SLX4: variants seen among roughly 807,000 people sequenced by gnomAD.
SLX4 encodes structure-specific endonuclease subunit SLX4.
SLX4 carries 112 observed loss-of-function variants against 146.2 expected under a neutral mutation model. That is an observed-to-expected ratio of 0.77 (90% confidence interval 0.66 to 0.90). SLX4 has a LOEUF of 0.90. Ranked by LOEUF, SLX4 falls within the 40% of genes least tolerant of loss-of-function variation. SLX4 has a pLI of 0.00. For missense variants in SLX4, 2,563 were observed against 2,392.7 expected (o/e 1.07, Z -1.49); for synonymous variants, 1,061 against 997.7 (o/e 1.06, Z -1.20).
intron 11 of SLX4, 151 bp downstream of exon 11, chr16:3,592,548 A>T: frequency 1.0e-6 from 1 of 972,156 alleles, no homozygotes; most frequent in Non-Finnish European, 1.6e-6. Context: ...CCACAGGGTC[A>T]TCACTGGTCA....
intron 5 of SLX4, among the ~76,000 whole-genome samples, chr16:3,599,466 C>CA (rs1313636939): frequency 6.6e-6 from 1 of 152,254 alleles, no homozygotes; most frequent in Admixed American, 6.5e-5. Context: ...CTGTGGTTTG[C>CA]ATGCTGAGGA....
At chr16:3,603,115 G>A (rs1340111879) in intron 3 of SLX4, among the ~76,000 whole-genome samples, 7 of 152,160 alleles carry the variant, frequency 4.6e-5, no homozygotes, top group Admixed American at 1.3e-4. Context: ...GTGCAACGAC[G>A]CGATCTCAGC....
chr16:3,582,546 G>A lies in SLX4; in HGVS notation c.5301C>T (p.Tyr1767=). The change falls in exon 15 of 15, where the codon TAC becomes TAT. Residue 1767 remains tyrosine, a synonymous_variant. Transcript: ENST00000294008. ...RCYIRSKPAL[Y]QKVLLYQPFE... ...AGGGCTGGTACAGCAGCACCTTCTGGTACAGGGCCGGCTTGGAGCGGATGT... is the reference window on the plus strand; with the variant it reads ...AGGGCTGGTACAGCAGCACCTTCTGATACAGGGCCGGCTTGGAGCGGATGT... 3 of 1,613,934 alleles carry A rather than the reference G, an allele frequency of 1.9e-6. No homozygotes were observed. The highest frequency in any genetic ancestry group is 2.5e-6 in the Non-Finnish European group (3 of 1,180,018).
chr16:3,592,818 C>A lies in SLX4; in HGVS notation c.2208G>T (p.Gln736His). The A allele has an allele frequency of 6.2e-7, 1 of 1,612,402 alleles. No homozygotes were observed. Among genetic ancestry groups the A allele is most frequent in the Non-Finnish European group, 8.5e-7 (1 of 1,179,992 alleles). ...TGCTCACGTCACCCAGCAGGACACG[C>A]TGGGTCAGAACCCCGTCCTCTACAG... Reference protein sequence around the residue: ...FSAVEDGVLTQRVLLGDVSTE... With the variant: ...FSAVEDGVLTHRVLLGDVSTE... Residue 736 changes from glutamine (Q) to histidine (H), a missense_variant, in exon 11 of 15, where the codon CAG becomes CAT. By Grantham distance (24) the Gln-to-His change is conservative. Transcript: ENST00000294008.
At chr16:3,606,763 A>T in intron 2 of SLX4, 65 bp from the exon 3 acceptor site, 1 of 1,568,568 alleles carries the variant, frequency 6.4e-7, no homozygotes, top group Non-Finnish European at 8.8e-7. Flanking sequence ...CTTTTCTACC[A>T]GATACAGGTT....
chr16:3,597,075 C>T lies in SLX4; in HGVS notation c.1683+304G>A, dbSNP rs2040668932. Among the ~76,000 whole-genome samples the T allele has an allele frequency of 6.6e-6, 1 of 152,166 alleles. No individual in the cohort carries two copies. Among genetic ancestry groups the T allele is most frequent in the African/African-American group, 2.4e-5 (1 of 41,438 alleles). ...TGACCTCGTGATCCGCCCACCTCAG[C>T]CTCCCAAAGTGCAGGGATTACGGGC... On this transcript the variant is annotated intron_variant, in intron 7 of 14. Coordinates refer to ENST00000294008, the MANE Select transcript of SLX4 (RefSeq NM_032444.4). This position sits in a 1 kb window ranked among gnomAD's most constrained non-coding sequence, Gnocchi z 4.4.
intron 9 of SLX4, 126 bp downstream of exon 9, chr16:3,595,479 G>T: frequency 1.9e-6 from 2 of 1,027,042 alleles, no homozygotes; most frequent in Non-Finnish European, 3.0e-6. Context: ...CTTCTGGAAA[G>T]CAGAGGCCTT....
intron 2 of SLX4, 70 bp downstream of exon 2, chr16:3,608,360 G>A (rs1360102148): frequency 1.3e-6 from 2 of 1,574,444 alleles, no homozygotes; most frequent in Non-Finnish European, 1.7e-6. Context: ...GGCCTACAAA[G>A]CCAAAATATT....
intron 7 of SLX4, 149 bp from the exon 8 acceptor site, chr16:3,596,542 C>T: frequency 2.1e-6 from 2 of 966,066 alleles, no homozygotes; most frequent in Non-Finnish European, 3.0e-6. Flanking sequence ...GGGGCTCCAG[C>T]CACAGCCTGG....
rs148856258 is a variant in SLX4, at chr16:3,589,193, C to T, written c.4445G>A (p.Cys1482Tyr). The change falls in exon 12 of 15, where the codon TGC becomes TAC. Residue 1482 changes from cysteine (C) to tyrosine (Y), a missense_variant. Transcript: ENST00000294008. This position sits in a 1 kb window ranked among gnomAD's most constrained non-coding sequence, Gnocchi z 6.2. The part of the protein sequence containing the change: ...LLDTTPIRGS[C>Y]TTQRKLQEKS... The stretch of plus-strand genomic sequence containing the variant: ...CTCTTGCAATTTCCTCTGGGTAGTG[C>T]AGCTTCCTCGGATGGGGGTGGTGTC... The T allele has an allele frequency of 2.5e-5, 40 of 1,614,004 alleles. No homozygotes were observed. In the African/African-American group the frequency reaches 4.4e-4, roughly 18 times the overall value.
At chr16:3,584,088 C>T (rs2040477176) in intron 13 of SLX4, among the ~76,000 whole-genome samples, 1 of 152,022 alleles carries the variant, frequency 6.6e-6, no homozygotes, top group South Asian at 2.1e-4. Flanking sequence ...AGTGGAAGAG[C>T]AGTGTCATGT....
Position 3,597,356 on chromosome 16 carries a change from T to G in SLX4, c.1683+23A>C. 1 of 1,513,340 alleles carries G rather than the reference T, an allele frequency of 6.6e-7. No individual in the cohort carries two copies. The highest frequency in any genetic ancestry group is 8.9e-7 in the Non-Finnish European group (1 of 1,127,380). 93.7% of individuals were successfully genotyped at this position (1,513,340 alleles called of 1,614,324 possible). ...CCAACCTCCCCCAAAAGCCTATCCA[T>G]GTGCCTGAGGGGAGGGACTCACCTG... On this transcript the variant is annotated intron_variant, in intron 7 of 14. Transcript: ENST00000294008. The surrounding 1 kb of genome is among the most constrained non-coding windows in gnomAD (Gnocchi z 4.4).
At chr16:3,586,843 G>C (rs1165205302) in intron 12 of SLX4, among the ~76,000 whole-genome samples, 1 of 151,862 alleles carries the variant, frequency 6.6e-6, no homozygotes, top group East Asian at 1.9e-4. Context: ...GAATAAAAAG[G>C]AATAAAATAC....
intron 13 of SLX4, 127 bp from the exon 14 acceptor site, chr16:3,583,637 C>T (rs1053149619): frequency 2.0e-6 from 2 of 1,007,444 alleles, no homozygotes; most frequent in Non-Finnish European, 3.1e-6. Flanking sequence ...ACCATAGATG[C>T]CTGACTTCTG....
intron 5 of SLX4, 98 bp from the exon 6 acceptor site, chr16:3,598,097 A>G (rs1222242411): frequency 7.0e-6 from 10 of 1,432,660 alleles, no homozygotes; most frequent in Admixed American, 5.2e-5. Context: ...CTGAGAGAAA[A>G]GTGACGGATG....
Position 3,582,427 on chromosome 16 carries a change from G to A in SLX4, c.5420C>T (p.Thr1807Ile). ...LLDFLDTHCI[T>I]FTTAATRREK... ...CCTGCGGGTGGCGGCAGTGGTGAAG[G>A]TGATACAGTGGGTGTCCAGGAAGTC... Residue 1807 changes from threonine (T) to isoleucine (I), a missense_variant, in exon 15 of 15, where the codon ACC becomes ATC. Physicochemically the swap from Thr to Ile is moderately conservative, Grantham distance 89. Coordinates refer to ENST00000294008, the MANE Select transcript of SLX4 (RefSeq NM_032444.4). 1 of 1,613,918 alleles carries A rather than the reference G, an allele frequency of 6.2e-7. No homozygotes were observed. The highest frequency in any genetic ancestry group is 1.1e-5 in the South Asian group (1 of 91,090).
intron 2 of SLX4, among the ~76,000 whole-genome samples, chr16:3,607,392 C>G (rs532043744): frequency 1.3e-5 from 2 of 152,320 alleles, no homozygotes; most frequent in African/African-American, 4.8e-5. Context: ...AATTTAGAAA[C>G]AGAACTCAGG....
At chr16:3,605,547 C>A (rs570697501) in intron 3 of SLX4, among the ~76,000 whole-genome samples, 35 of 151,720 alleles carry the variant, frequency 2.3e-4, no homozygotes, top group Non-Finnish European at 4.0e-4. Flanking sequence ...ACAACAACAA[C>A]AAAAAAACCT....
At chr16:3,588,943 CT>C (rs1173082648) in intron 12 of SLX4, 58 bp downstream of exon 12, 1 of 1,604,204 alleles carries the variant, frequency 6.2e-7, no homozygotes, top group African/African-American at 1.3e-5. Flanking sequence ...TCTTCCCACC[CT>C]CTTAGTGTAA....
Sources: gnomAD v4.1 joint callset for allele counts (sites outside exome capture counted in the v4.1 genomes callset) on GRCh38, gnomAD v4.1.1 for gene constraint, Gnocchi (gnomAD v3.1) non-coding constraint, MANE v1.5 for transcripts, NCBI Gene and HGNC (gene_info 2026-07-23, HGNC 2026-07-21) for gene names.